Variants in OGFOD1 observed in about 807,000 individuals in gnomAD.
OGFOD1 encodes prolyl 3-hydroxylase OGFOD1.
Under a neutral mutation model 67.7 loss-of-function variants are expected in OGFOD1, and 54 were observed. That is an observed-to-expected ratio of 0.80 (90% CI 0.64 to 1.00). The LOEUF (loss-of-function observed/expected upper bound fraction) is 1.00. Ranked by LOEUF, OGFOD1 falls within the 50% of genes least tolerant of loss-of-function variation. OGFOD1 has a pLI of 0.00. For synonymous variants in OGFOD1, 221 were observed against 227.0 expected (o/e 0.97, Z 0.24); for missense variants, 606 against 646.7 (o/e 0.94, Z 0.68).
At position 56,478,203 on chromosome 16, in the gene OGFOD1, GGCT is replaced by G. The variant is rs1963560313; in HGVS notation, c.*2000_*2002del. 1 of 152,118 alleles carries G rather than the reference GGCT, an allele frequency of 6.6e-6. No homozygotes were observed. Among genetic ancestry groups the G allele is most frequent in the Non-Finnish European group, 1.5e-5 (1 of 68,058 alleles). 9.4% of individuals were successfully genotyped at this position (152,118 alleles called of 1,614,324 possible). A position where few individuals can be genotyped will look rare whatever the true frequency, so the allele number is the denominator to read the frequency against. ...AGATGGAGTCTCACTCTGTGGCCCA[GGCT>G]GGAGTACAGTGGCATGATATCGGCT... On this transcript the variant is annotated 3_prime_UTR_variant, in exon 13 of 13. Coordinates refer to ENST00000566157, the MANE Select transcript of OGFOD1 (RefSeq NM_018233.4).
At chr16:56,453,608 C>A (rs1187982870) in intron 2 of OGFOD1, 200 bp downstream of exon 2, 2 of 481,142 alleles carry the variant, frequency 4.2e-6, no homozygotes, top group Non-Finnish European at 7.4e-6. Context: ...ATATGGAAGC[C>A]TTAGACAGTG....
intron 7 of OGFOD1, 48 bp from the exon 8 acceptor site, chr16:56,467,857 C>A: frequency 1.1e-6 from 1 of 877,830 alleles, no homozygotes; most frequent in Non-Finnish European, 2.0e-6. Context: ...AGAGCAAAAG[C>A]AATAGGAATT....
chr16:56,475,457 G>A lies in OGFOD1; in HGVS notation c.1409-50G>A, dbSNP rs532819673. 9 of 1,539,812 alleles carry A rather than the reference G, an allele frequency of 5.8e-6. No homozygotes were observed. The South Asian group carries it at 6.7e-5, about 11-fold the overall frequency. On this transcript the variant is annotated intron_variant, in intron 11 of 12. Coordinates refer to ENST00000566157, the MANE Select transcript of OGFOD1 (RefSeq NM_018233.4). ...GATCAGTGATTTAAGTAGATGGTGC[G>A]ACTCTTTCAATAGGAGCTTTCTGAA...
At chr16:56,465,946 G>A in intron 4 of OGFOD1, 2 of 486,760 alleles carry the variant, frequency 4.1e-6, no homozygotes, top group South Asian at 5.3e-5. Context: ...ATCTAATTAT[G>A]TGCTCTTTAT....
chr16:56,470,547 A>G lies in OGFOD1; in HGVS notation c.1041A>G (p.Leu347=). The G allele has an allele frequency of 6.2e-7, 1 of 1,614,166 alleles. No individual in the cohort carries two copies. The highest frequency in any genetic ancestry group is 8.5e-7 in the Non-Finnish European group (1 of 1,180,022). ...AGATATTGAAGGAGTGCATGAAGTTATTTCGCTCTGAGGCACTATTCTTGC... is the reference window on the plus strand; with the variant it reads ...AGATATTGAAGGAGTGCATGAAGTTGTTTCGCTCTGAGGCACTATTCTTGC... The part of the protein sequence containing the change: ...LPEILKECMK[L]FRSEALFLLL... Residue 347 remains leucine, a synonymous_variant, in exon 10 of 13, where the codon TTA becomes TTG. Transcript: ENST00000566157.
chr16:56,454,645 TG>T (rs201899263), intron 2 of OGFOD1: 115 of 319,158 alleles, frequency 3.6e-4, no homozygotes, highest in African/African-American at 6.6e-4. Context: ...TGCTTCAAAT[TG>T]GGGGGGGAAA....
chr16:56,466,099 T>C (rs1272514550), intron 4 of OGFOD1, 53 bp from the exon 5 acceptor site: 2 of 1,227,916 alleles, frequency 1.6e-6, no homozygotes, highest in Non-Finnish European at 2.4e-6. Context: ...CAGAGTCAGG[T>C]GTCAGCTGGT....
Position 56,476,057 on chromosome 16 carries a change from A to T in OGFOD1, c.1481A>T (p.Asn494Ile). 1 of 1,611,818 alleles carries T rather than the reference A, an allele frequency of 6.2e-7. No individual in the cohort carries two copies. The highest frequency in any genetic ancestry group is 8.5e-7 in the Non-Finnish European group (1 of 1,179,322). Residue 494 changes from asparagine to isoleucine, a missense_variant, in exon 13 of 13, where the codon AAT becomes ATT. By Grantham distance (149) the Asn-to-Ile change is moderately radical. Transcript: ENST00000566157. ...KGEDEELLTV[N>I]PESNSLALVY... The stretch of plus-strand genomic sequence containing the variant: ...TGTCTTTTTCAGCTGCTAACAGTGA[A>T]TCCAGAAAGCAATTCTTTGGCATTG...
intron 7 of OGFOD1, 23 bp from the exon 8 acceptor site, chr16:56,467,882 T>G (rs1376700943): frequency 9.0e-7 from 1 of 1,114,864 alleles, no homozygotes. Context: ...ACTCACATTT[T>G]GCATCTGCTG....
chr16:56,460,424 ACC>A, intron 3 of OGFOD1, among the ~76,000 whole-genome samples: 1 of 152,260 alleles, frequency 6.6e-6, no homozygotes, highest in African/African-American at 2.4e-5. Context: ...AGCTAATGTT[ACC>A]AGTAAAGGAT....
intron 3 of OGFOD1, among the ~76,000 whole-genome samples, chr16:56,460,265 G>A (rs1283056394): frequency 3.9e-5 from 6 of 152,204 alleles, no homozygotes; most frequent in South Asian, 2.1e-4. Flanking sequence ...CTCCGTAATC[G>A]TTACAGAGAG....
At position 56,476,888 on chromosome 16, in the gene OGFOD1, G is replaced by C. The variant is rs1963504282; in HGVS notation, c.*683G>C. The C allele has an allele frequency of 6.6e-6, 1 of 152,266 alleles. No homozygotes were observed. The highest frequency in any genetic ancestry group is 2.1e-4 in the South Asian group (1 of 4,832). 9.4% of individuals were successfully genotyped at this position (152,266 alleles called of 1,614,324 possible). On this transcript the variant is annotated 3_prime_UTR_variant, in exon 13 of 13. Transcript: ENST00000566157. ...GCTCACGCCTGTAATCCCAGCACTT[G>C]GGAGGCCAAGGCAGGCGGATCACCT... is the stretch of plus-strand genomic sequence containing the variant.
chr16:56,473,077 C>T (rs1963277510), intron 10 of OGFOD1, among the ~76,000 whole-genome samples: 1 of 152,148 alleles, frequency 6.6e-6, no homozygotes, highest in Admixed American at 6.5e-5. Flanking sequence ...ACTACAGGCG[C>T]ATGCCACCAC....
chr16:56,453,757 C>G (rs1486612013), intron 2 of OGFOD1: 2 of 161,422 alleles, frequency 1.2e-5, no homozygotes, highest in East Asian at 3.6e-4. Context: ...GGTCTCATGG[C>G]TTTACCTCCT....
chr16:56,469,432 G>A (rs910907959), intron 8 of OGFOD1, among the ~76,000 whole-genome samples: 5 of 152,236 alleles, frequency 3.3e-5, no homozygotes, highest in South Asian at 2.1e-4. Flanking sequence ...GCAGATTGAC[G>A]TAAGGTATAT....
chr16:56,453,482 G>A, intron 2 of OGFOD1, 74 bp downstream of exon 2: 1 of 1,485,588 alleles, frequency 6.7e-7, no homozygotes. Context: ...AATACCTTTA[G>A]ACTTGAGGTT....
rs753026270 is a variant in OGFOD1, at chr16:56,470,036, G to A, written c.934G>A (p.Glu312Lys). The A allele has an allele frequency of 9.3e-6, 15 of 1,614,050 alleles. No individual in the cohort carries two copies. The highest frequency in any genetic ancestry group is 1.3e-5 in the Non-Finnish European group (15 of 1,180,014). The change falls in exon 9 of 13, where the codon GAG (glutamate) becomes AAG (lysine). Residue 312 changes from glutamate to lysine, a missense_variant. Glu to Lys is a moderately conservative substitution (Grantham distance 56, BLOSUM62 1). Transcript: ENST00000566157. Reference sequence around the variant, plus strand: ...ATTCACGAAAGTCTGTGAGGCCTTGGAGCATGGACATGTGGAATGGAGCAG... The same window carrying A: ...ATTCACGAAAGTCTGTGAGGCCTTGAAGCATGGACATGTGGAATGGAGCAG... Reference protein sequence around the residue: ...EKFTKVCEALEHGHVEWSSRG... With the variant: ...EKFTKVCEALKHGHVEWSSRG...
intron 2 of OGFOD1, chr16:56,454,872 G>T: frequency 2.8e-6 from 1 of 360,024 alleles, no homozygotes; most frequent in South Asian, 2.0e-5. Flanking sequence ...ATACATGAAA[G>T]ATATGACTCT....
chr16:56,474,840 C>T lies in OGFOD1; in HGVS notation c.1298C>T (p.Pro433Leu). ...ENETKKESSVPMCQGELRHWK... is the reference protein window; with the variant it reads ...ENETKKESSVLMCQGELRHWK... ...TTTTTTTCCTTAGAATCAAGTGTTC[C>T]CATGTGCCAAGGGGAACTGAGGCAT... is the stretch of plus-strand genomic sequence containing the variant. The change falls in exon 11 of 13, where the codon CCC (proline) becomes CTC (leucine). Residue 433 changes from proline to leucine, a missense_variant. Coordinates refer to ENST00000566157, the MANE Select transcript of OGFOD1 (RefSeq NM_018233.4). 6.2e-7 allele frequency: 1 copy of T among 1,610,716 alleles called. No homozygotes were observed. Among genetic ancestry groups the T allele is most frequent in the Non-Finnish European group, 8.5e-7 (1 of 1,178,662 alleles).
Sources: allele counts gnomAD v4.1 joint callset (sites outside exome capture counted in the v4.1 genomes callset), GRCh38; gene constraint gnomAD v4.1.1; transcripts MANE v1.5; gene names NCBI Gene and HGNC (gene_info 2026-07-23, HGNC 2026-07-21).